Variants in CLASRP observed in about 807,000 individuals in gnomAD.
The protein encoded by CLASRP is CLK4 associating serine/arginine rich protein.
Under a neutral mutation model 99.9 loss-of-function variants are expected in CLASRP, and 52 were observed. That is an observed-to-expected ratio of 0.52 (90% CI 0.42 to 0.66). The LOEUF (loss-of-function observed/expected upper bound fraction) is 0.66. Among genes scored for constraint, CLASRP ranks in the 30% least tolerant of loss-of-function variants. The pLI is 0.00. For synonymous variants in CLASRP, 379 were observed against 373.0 expected (o/e 1.02, Z -0.18); for missense variants, 848 against 999.2 (o/e 0.85, Z 2.04).
rs1967000562 is a variant in CLASRP, at chr19:45,063,921, G to C, written c.906-91G>C. 5 of 1,477,456 alleles carry C rather than the reference G, an allele frequency of 3.4e-6. No individual in the cohort carries two copies. In the African/African-American group the frequency reaches 5.6e-5, roughly 17 times the overall value. The allele number at this position is 1,477,456 out of a possible 1,614,324, so 91.5% of individuals were successfully genotyped here. ...CTGGTTTCCCGGGTCGCTGTGGCCCGCGCTGGCGCTGCTGTTGATCTGCTG... is the reference window on the plus strand; with the variant it reads ...CTGGTTTCCCGGGTCGCTGTGGCCCCCGCTGGCGCTGCTGTTGATCTGCTG... On this transcript the variant is annotated intron_variant, in intron 11 of 20. Coordinates refer to ENST00000221455, the MANE Select transcript of CLASRP (RefSeq NM_007056.3).
chr19:45,042,989 A>G (rs1267493493), intron 2 of CLASRP, among the ~76,000 whole-genome samples: 2 of 152,160 alleles, frequency 1.3e-5, no homozygotes, highest in Non-Finnish European at 2.9e-5. Flanking sequence ...ACATATAAGT[A>G]CTTTACACAA....
chr19:45,052,946 G>A, intron 4 of CLASRP, 54 bp downstream of exon 4: 14 of 1,552,684 alleles, frequency 9.0e-6, no homozygotes, highest in Non-Finnish European at 1.2e-5. Flanking sequence ...AGGAGCCCCT[G>A]TTCTTTTCCC....
chr19:45,068,335 C>CCCCA, intron 15 of CLASRP, 85 bp from the exon 16 acceptor site: 1 of 616,516 alleles, frequency 1.6e-6, no homozygotes, highest in South Asian at 1.9e-5. Context: ...CCCCCCCGCA[C>CCCCA]AAAGCCCCAG....
chr19:45,040,340 A>T (rs919350960), intron 2 of CLASRP, 29 bp downstream of exon 2: 1 of 1,537,872 alleles, frequency 6.5e-7, no homozygotes, highest in African/African-American at 1.4e-5. Flanking sequence ...GTCTGGGGTG[A>T]GGGACCCTGG....
Position 45,064,133 on chromosome 19 carries a change from G to T in CLASRP, c.1027G>T (p.Ala343Ser), listed in dbSNP as rs1273816736. 2 of 1,610,350 alleles carry T rather than the reference G, an allele frequency of 1.2e-6. No homozygotes were observed. Among genetic ancestry groups the T allele is most frequent in the Non-Finnish European group, 8.5e-7 (1 of 1,179,356 alleles). ...CAGCGATGAGGAGGCAGCCGCAGCCGCTGCTGCCGCAGCAGCATCAGGAGT... is the reference window on the plus strand; with the variant it reads ...CAGCGATGAGGAGGCAGCCGCAGCCTCTGCTGCCGCAGCAGCATCAGGAGT... ...GGSDEEAAAA[A>S]AAAAASGVTT... The change falls in exon 12 of 21, where the codon GCT becomes TCT. Residue 343 changes from alanine (A) to serine (S), a missense_variant. Ala to Ser is a moderately conservative substitution (Grantham distance 99). Transcript: ENST00000221455.
At chr19:45,045,924 C>T (rs1298973779) in intron 2 of CLASRP, among the ~76,000 whole-genome samples, 1 of 152,178 alleles carries the variant, frequency 6.6e-6, no homozygotes, top group African/African-American at 2.4e-5. Flanking sequence ...AGGCCCCCTC[C>T]CTGTTAGCAG....
At chr19:45,052,734 T>TG in intron 3 of CLASRP, 57 bp from the exon 4 acceptor site, 1 of 1,294,216 alleles carries the variant, frequency 7.7e-7, no homozygotes, top group Admixed American at 2.0e-5. Context: ...AGGTGCTTTG[T>TG]GTCCTGGGCA....
intron 10 of CLASRP, among the ~76,000 whole-genome samples, chr19:45,061,021 T>C (rs914564337): frequency 5.9e-5 from 9 of 152,110 alleles, no homozygotes; most frequent in African/African-American, 1.9e-4. Context: ...TTCAATTTTT[T>C]CCTTTGGAAA....
chr19:45,069,981 TC>T (rs752681796), intron 18 of CLASRP, 40 bp from the exon 19 acceptor site: 2 of 1,121,092 alleles, frequency 1.8e-6, no homozygotes, highest in Non-Finnish European at 1.4e-6. Flanking sequence ...GTTCAGTGTG[TC>T]CAGTGTTCCC....
chr19:45,060,306 A>T lies in CLASRP; in HGVS notation c.711-83A>T. 7.7e-7 allele frequency: 1 copy of T among 1,300,774 alleles called. No individual in the cohort carries two copies. The highest frequency in any genetic ancestry group is 1.1e-6 in the Non-Finnish European group (1 of 897,986). The allele number at this position is 1,300,774 out of a possible 1,614,324, so 80.6% of individuals were successfully genotyped here. Reference sequence around the variant, plus strand: ...TGGCGTGGGGTGACTCAGGTCCCTCACTTTCTCTGATGACTCAGTCTGTGT... The same window carrying T: ...TGGCGTGGGGTGACTCAGGTCCCTCTCTTTCTCTGATGACTCAGTCTGTGT... On this transcript the variant is annotated intron_variant, in intron 8 of 20. Transcript: ENST00000221455. This position sits in a 1 kb window ranked among gnomAD's most constrained non-coding sequence, Gnocchi z 4.6.
chr19:45,055,640 C>G (rs1212963296), intron 5 of CLASRP, among the ~76,000 whole-genome samples: 3 of 152,152 alleles, frequency 2.0e-5, no homozygotes, highest in Non-Finnish European at 4.4e-5. Flanking sequence ...TCGAGACCAG[C>G]CTGACCAATA....
At chr19:45,041,015 G>T (rs1243149974) in intron 2 of CLASRP, among the ~76,000 whole-genome samples, 1 of 151,942 alleles carries the variant, frequency 6.6e-6, no homozygotes, top group East Asian at 1.9e-4. Flanking sequence ...AAGGTCAAGA[G>T]ATCGAGACCG....
At chr19:45,061,307 C>T (rs1002749937) in intron 10 of CLASRP, among the ~76,000 whole-genome samples, 4 of 152,150 alleles carry the variant, frequency 2.6e-5, no homozygotes, top group Non-Finnish European at 4.4e-5. Context: ...TTGCTGTCAG[C>T]GGTGGCACAG....
In CLASRP at chr19:45,064,432, G is replaced by C; in HGVS notation, c.1211G>C (p.Arg404Pro). ...TCTCGCTCCAGCTCCCGCTCTCGCC[G>C]TGGTGGGGGCTACTACCGTTCCGGC... ...SSSRSSSRSR[R>P]GGGYYRSGRH... The change falls in exon 13 of 21, where the codon CGT becomes CCT. Residue 404 changes from arginine to proline, a missense_variant. Arg to Pro is a moderately radical substitution (Grantham distance 103, BLOSUM62 -2). Transcript: ENST00000221455. The C allele has an allele frequency of 6.6e-7, 1 of 1,526,482 alleles. No homozygotes were observed. The highest frequency in any genetic ancestry group is 8.8e-7 in the Non-Finnish European group (1 of 1,137,850). The allele number at this position is 1,526,482 out of a possible 1,614,324, so 94.6% of individuals were successfully genotyped here. A position where few individuals can be genotyped will look rare whatever the true frequency, so the allele number is the denominator to read the frequency against.
intron 13 of CLASRP, among the ~76,000 whole-genome samples, chr19:45,065,064 A>G (rs1279583338): frequency 6.6e-6 from 1 of 152,064 alleles, no homozygotes; most frequent in East Asian, 1.9e-4. Flanking sequence ...TGTGGCCAGG[A>G]GCGGATGGGG....
intron 2 of CLASRP, among the ~76,000 whole-genome samples, chr19:45,043,619 A>G (rs57303150): frequency 1.3e-5 from 2 of 152,116 alleles, no homozygotes; most frequent in African/African-American, 4.8e-5. Context: ...CCCCCAGGCC[A>G]TGTGAGAGAT....
rs371322204 is a variant in CLASRP at position 45,070,529 on chromosome 19, C to G, written c.1958-8C>G. Reference sequence around the variant, plus strand: ...TTGCTCGCTCTTCACCTGTTGTTTTCTTTCCAGGTCGAGAATACAGCTCTT... The same window carrying G: ...TTGCTCGCTCTTCACCTGTTGTTTTGTTTCCAGGTCGAGAATACAGCTCTT... On this transcript the variant is annotated splice_region_variant and splice_polypyrimidine_tract_variant and intron_variant, in intron 19 of 20. Coordinates refer to ENST00000221455, the MANE Select transcript of CLASRP (RefSeq NM_007056.3). 6.2e-7 allele frequency: 1 copy of G among 1,613,800 alleles called. No individual in the cohort carries two copies. Among genetic ancestry groups the G allele is most frequent in the African/African-American group, 1.3e-5 (1 of 74,902 alleles).
chr19:45,062,042 T>C, intron 10 of CLASRP, 112 bp from the exon 11 acceptor site: 1 of 763,260 alleles, frequency 1.3e-6, no homozygotes, highest in South Asian at 1.5e-5. Flanking sequence ...AGCAGCCCCC[T>C]CACTGTGCCA....
chr19:45,039,341 G>A (rs1015419569), intron 1 of CLASRP, among the ~76,000 whole-genome samples: 2 of 149,124 alleles, frequency 1.3e-5, no homozygotes, highest in African/African-American at 4.9e-5. Context: ...CTTATCACAG[G>A]CCCCGCCCCC....
Sources: allele counts gnomAD v4.1 joint callset (sites outside exome capture counted in the v4.1 genomes callset), GRCh38; gene constraint gnomAD v4.1.1; non-coding constraint Gnocchi (gnomAD v3.1); transcripts MANE v1.5; gene names NCBI Gene and HGNC (gene_info 2026-07-23, HGNC 2026-07-21).